SVEP1: variants seen among roughly 807,000 people sequenced by gnomAD.
SVEP1 encodes sushi, von Willebrand factor type A, EGF and pentraxin domain containing 1.
Under a neutral mutation model 367.3 loss-of-function variants are expected in SVEP1, and 164 were observed. The observed-to-expected ratio is 0.45, with a 90% CI of 0.39 to 0.51. SVEP1 has a LOEUF of 0.51. SVEP1 is among the 20% of genes least tolerant of loss of function. The pLI, the probability that SVEP1 is intolerant of heterozygous loss-of-function variation, is 0.00. For synonymous variants in SVEP1, 1,666 were observed against 1,611.6 expected, an observed-to-expected ratio of 1.03 and a Z score of -0.81; for missense variants, 4,117 against 4,425.3, an observed-to-expected ratio of 0.93 and a Z score of 1.98.
intron 46 of SVEP1, among the ~76,000 whole-genome samples, chr9:110,374,653 AAAAAC>A (rs10587715): frequency 0.4 from 60,770 of 151,712 alleles, 12,877 homozygotes; most frequent in African/African-American, 0.52. Flanking sequence ...TCTGTTCTCA[AAAAAC>A]AAAACAAAAC....
intron 18 of SVEP1, among the ~76,000 whole-genome samples, chr9:110,459,536 A>G (rs1416468511): frequency 6.6e-6 from 1 of 152,078 alleles, no homozygotes; most frequent in Non-Finnish European, 1.5e-5. Flanking sequence ...TGCTGAAGTA[A>G]ATTTTTTGCA....
chr9:110,374,960 T>G (rs1827326526), intron 46 of SVEP1, among the ~76,000 whole-genome samples: 1 of 15,158 alleles, frequency 6.6e-5, no homozygotes, highest in African/African-American at 6.2e-4. Flanking sequence ...GGATAAAGTG[T>G]TTTTTTTTTC....
At chr9:110,577,562 G>A (rs1310055965) in intron 1 of SVEP1, among the ~76,000 whole-genome samples, 1 of 152,014 alleles carries the variant, frequency 6.6e-6, no homozygotes, top group African/African-American at 2.4e-5. Context: ...CTAAAACTAT[G>A]AACAAATATA....
intron 4 of SVEP1, 75 bp downstream of exon 4, chr9:110,513,873 G>A (rs1829759495): frequency 2.7e-6 from 4 of 1,457,976 alleles, no homozygotes; most frequent in Non-Finnish European, 3.7e-6. Context: ...AATGAATTAG[G>A]TGCAAACACA....
intron 3 of SVEP1, among the ~76,000 whole-genome samples, chr9:110,525,860 G>C (rs1388233888): frequency 2.0e-5 from 3 of 151,870 alleles, no homozygotes; most frequent in Non-Finnish European, 4.4e-5. Flanking sequence ...CGTGTACCAT[G>C]GTGGCTTGCT....
chr9:110,402,684 G>A (rs1361004206), intron 39 of SVEP1, among the ~76,000 whole-genome samples: 2 of 152,122 alleles, frequency 1.3e-5, no homozygotes, highest in Non-Finnish European at 2.9e-5. Context: ...CCAACCTGGA[G>A]AACAACAATT....
intron 3 of SVEP1, among the ~76,000 whole-genome samples, chr9:110,534,011 C>T (rs907934862): frequency 1.3e-5 from 2 of 152,124 alleles, no homozygotes; most frequent in African/African-American, 4.8e-5. Flanking sequence ...GGTCTGCAGG[C>T]TAAGTCCACC....
At chr9:110,524,777 T>C (rs1829921305) in intron 3 of SVEP1, among the ~76,000 whole-genome samples, 1 of 151,772 alleles carries the variant, frequency 6.6e-6, no homozygotes, top group African/African-American at 2.4e-5. Flanking sequence ...AGTGGCACAA[T>C]CACAGCTCAC....
chr9:110,443,461 A>T (rs1828544001), intron 27 of SVEP1, 84 bp downstream of exon 27: 1 of 1,198,240 alleles, frequency 8.3e-7, no homozygotes, highest in Non-Finnish European at 1.1e-6. Context: ...AACCAAGAAC[A>T]ACAATGCTAG....
At chr9:110,450,948 T>G (rs1032641814) in intron 23 of SVEP1, among the ~76,000 whole-genome samples, 17 of 152,212 alleles carry the variant, frequency 1.1e-4, no homozygotes, top group African/African-American at 3.9e-4. Context: ...CTTTAGAAAT[T>G]AAGCATACAC....
In SVEP1 at chr9:110,408,852, G is replaced by A. The variant is rs748222051; in HGVS notation, c.6748C>T (p.His2250Tyr). 7 of 1,613,580 alleles carry A rather than the reference G, an allele frequency of 4.3e-6. No homozygotes were observed. In the South Asian group the frequency reaches 7.7e-5, roughly 18 times the overall value. Reference sequence around the variant, plus strand: ...ATCAGAGGGGATTCACTGTGCCAGTGGCGATTGGCTTGGCAGACAAATACA... The same window carrying A: ...ATCAGAGGGGATTCACTGTGCCAGTAGCGATTGGCTTGGCAGACAAATACA... Reference protein sequence around the residue: ...SPVFVCQANRHWHSESPLMCV... With the variant: ...SPVFVCQANRYWHSESPLMCV... The change falls in exon 38 of 48, where the codon CAC becomes TAC. Residue 2250 changes from histidine to tyrosine, a missense_variant. His to Tyr is a moderately conservative substitution (Grantham distance 83). Transcript: ENST00000374469.
chr9:110,388,985 T>TAA (rs918214296), intron 41 of SVEP1, among the ~76,000 whole-genome samples: 2 of 151,868 alleles, frequency 1.3e-5, no homozygotes, highest in Admixed American at 1.3e-4. Flanking sequence ...AAAATAAAAA[T>TAA]ACATAAATAC....
chr9:110,432,013 C>T lies in SVEP1; in HGVS notation c.5255G>A (p.Gly1752Glu). 6.2e-7 allele frequency: 1 copy of T among 1,611,188 alleles called. No homozygotes were observed. The highest frequency in any genetic ancestry group is 8.5e-7 in the Non-Finnish European group (1 of 1,178,948). Residue 1752 changes from glycine (G) to glutamate (E), a missense_variant, in exon 32 of 48, where the codon GGA (glycine) becomes GAA (glutamate). By Grantham distance (98) the Gly-to-Glu change is moderately conservative. Transcript: ENST00000374469. ...AGAAGCATGCTCACTACAATCTGAT[C>T]CAACTGCACACTCATCGACATCTAA... Reference protein sequence around the residue: ...SCLDVDECAVGSDCSEHASCL... With the variant: ...SCLDVDECAVESDCSEHASCL...
rs557726816 is a variant in SVEP1, at chr9:110,458,219, T to G, written c.3576+252A>C. On this transcript the variant is annotated intron_variant, in intron 20 of 47. Transcript: ENST00000374469. ...TTATAGTGAATCAAAAGGCTCCCCCTGGATCTACTCATTCTTATTGCCAGG... is the reference window on the plus strand; with the variant it reads ...TTATAGTGAATCAAAAGGCTCCCCCGGGATCTACTCATTCTTATTGCCAGG... The G allele has an allele frequency of 1.7e-5, 10 of 594,876 alleles. 1 individual carries two copies. The highest frequency in any genetic ancestry group is 1.6e-4 in the South Asian group (9 of 56,480). 36.8% of individuals were successfully genotyped at this position (594,876 alleles called of 1,614,324 possible). A position where few individuals can be genotyped will look rare whatever the true frequency, so the allele number is the denominator to read the frequency against.
intron 40 of SVEP1, among the ~76,000 whole-genome samples, chr9:110,390,296 T>TATATAC: frequency 5.1e-5 from 7 of 137,448 alleles, no homozygotes; most frequent in East Asian, 2.0e-4. Flanking sequence ...CATACTTATA[T>TATATAC]ATACTTATAT....
intron 40 of SVEP1, among the ~76,000 whole-genome samples, chr9:110,393,268 A>G (rs1239818774): frequency 6.6e-6 from 1 of 152,224 alleles, no homozygotes; most frequent in East Asian, 1.9e-4. Context: ...TTATATTATC[A>G]TCTTTTTTGA....
chr9:110,524,280 G>T (rs911824281), intron 3 of SVEP1, among the ~76,000 whole-genome samples: 1 of 152,012 alleles, frequency 6.6e-6, no homozygotes, highest in Non-Finnish European at 1.5e-5. Context: ...AAAAACAGAA[G>T]AGAAGGGAAC....
chr9:110,458,627 A>G (rs1828812460), intron 19 of SVEP1, 65 bp from the exon 20 acceptor site: 1 of 1,435,660 alleles, frequency 7.0e-7, no homozygotes, highest in African/African-American at 1.4e-5. Flanking sequence ...TATATCTAAC[A>G]CTATGGTCAA....
At chr9:110,380,059 G>A (rs564776044) in intron 43 of SVEP1, among the ~76,000 whole-genome samples, 12 of 152,312 alleles carry the variant, frequency 7.9e-5, no homozygotes, top group African/African-American at 2.9e-4. Context: ...TGAGGTTTAT[G>A]AAATTCAAGG....
Sources: gnomAD v4.1 joint callset for allele counts (sites outside exome capture counted in the v4.1 genomes callset) on GRCh38, gnomAD v4.1.1 for gene constraint, MANE v1.5 for transcripts, NCBI Gene and HGNC (gene_info 2026-07-23, HGNC 2026-07-21) for gene names.